Variants in SH2D6 observed in about 807,000 individuals in gnomAD.
SH2D6 encodes SH2 domain containing 6.
SH2D6 carries 31 observed loss-of-function variants against 30.2 expected under a neutral mutation model. The observed-to-expected ratio is 1.03, with a 90% confidence interval of 0.77 to 1.38. The LOEUF (loss-of-function observed/expected upper bound fraction) is 1.38. Among genes scored for constraint, SH2D6 ranks in the 40% most tolerant of loss-of-function variants. The pLI, the probability that SH2D6 is intolerant of heterozygous loss-of-function variation, is 0.00. For synonymous variants in SH2D6, 93 were observed against 104.6 expected (o/e 0.89, Z 0.68); for missense variants, 240 against 266.8 (o/e 0.90, Z 0.70).
chr2:85,431,349 G>A (rs1179896546), intron 13 of SH2D6, 81 bp downstream of exon 13: 1 of 152,258 alleles, frequency 6.6e-6, no homozygotes, highest in Non-Finnish European at 1.5e-5. Flanking sequence ...AATCTTAGAG[G>A]CATCTCATTT....
chr2:85,435,364 C>A, intron 20 of SH2D6, 49 bp from the exon 21 acceptor site: 1 of 1,592,992 alleles, frequency 6.3e-7, no homozygotes, highest in South Asian at 1.1e-5. Context: ...GCTCCGCATG[C>A]CTGATTGAGT....
chr2:85,430,855 G>A lies in SH2D6; in HGVS notation c.250+203G>A, dbSNP rs1573226467. On this transcript the variant is annotated intron_variant, in intron 12 of 23. Transcript: ENST00000469800. This position sits in a 1 kb window ranked among gnomAD's most constrained non-coding sequence, Gnocchi z 4.3. ...TGAAGGAACGGAGGGAGGGAGGGTG[G>A]GAGGGAGGAAGAAGAGTGGGAAGGG... 7.1e-6 allele frequency among the ~76,000 whole-genome samples: 1 copy of A among 141,026 alleles called. No homozygotes were observed. The highest frequency in any genetic ancestry group is 2.6e-4 in the South Asian group (1 of 3,796). 92.5% of individuals were successfully genotyped at this position (141,026 alleles called of 152,430 possible).
chr2:85,434,452 A>T (rs762269015), intron 18 of SH2D6, 21 bp from the exon 19 acceptor site: 2 of 1,550,294 alleles, frequency 1.3e-6, no homozygotes, highest in African/African-American at 1.4e-5. Context: ...GCCTCTTCTG[A>T]TCAGACCTCC....
chr2:85,434,673 G>A (rs1196696807), intron 19 of SH2D6, 176 bp downstream of exon 19: 9 of 1,304,444 alleles, frequency 6.9e-6, no homozygotes, highest in African/African-American at 3.0e-5. Context: ...GAATGCAGGT[G>A]GTCCTGCCAG....
rs1319803128 is a variant in SH2D6, at chr2:85,430,079, CT to C, written c.64+65del. On this transcript the variant is annotated intron_variant, in intron 10 of 23. Transcript: ENST00000469800. The surrounding 1 kb of genome is among the most constrained non-coding windows in gnomAD (Gnocchi z 4.3). Reference sequence around the variant, plus strand: ...GGATCCCTTGCAAGTCAGGTCCCCCCTGAGTGACTCTGCACACCTCCTGCCT... The same window carrying C: ...GGATCCCTTGCAAGTCAGGTCCCCCCGAGTGACTCTGCACACCTCCTGCCT... 1 of 152,568 alleles carries C rather than the reference CT, an allele frequency of 6.6e-6. No homozygotes were observed. The highest frequency in any genetic ancestry group is 2.4e-5 in the African/African-American group (1 of 41,446). The allele number at this position is 152,568 out of a possible 1,614,324, so 9.5% of individuals were successfully genotyped here. A position where few individuals can be genotyped will look rare whatever the true frequency, so the allele number is the denominator to read the frequency against.
chr2:85,421,753 T>C (rs1311277536), intron 2 of SH2D6: 1 of 152,270 alleles, frequency 6.6e-6, no homozygotes, highest in African/African-American at 2.4e-5. Flanking sequence ...AAGGGTCACC[T>C]AAGCTGGGGC....
At chr2:85,424,412 T>TTTTC (rs1288578493) in intron 5 of SH2D6, among the ~76,000 whole-genome samples, 3 of 152,106 alleles carry the variant, frequency 2.0e-5, no homozygotes, top group Admixed American at 6.5e-5. Flanking sequence ...CCTCCCTTCT[T>TTTTC]TTTCTTTCTT....
chr2:85,420,751 C>T (rs936302036), intron 2 of SH2D6: 1 of 152,268 alleles, frequency 6.6e-6, no homozygotes, highest in Non-Finnish European at 1.5e-5. Flanking sequence ...GTCGGTGGTC[C>T]TCCAGGCCAC....
rs1688611929 is a variant in SH2D6 at position 85,431,282 on chromosome 2, C to T, written c.309+14C>T. On this transcript the variant is annotated intron_variant, in intron 13 of 23. Transcript: ENST00000469800. ...CAGCCCACCATGGTGAGAGGCCTCTCCAGAAGTCCCTCCTTCCCCACCCGC... is the reference window on the plus strand; with the variant it reads ...CAGCCCACCATGGTGAGAGGCCTCTTCAGAAGTCCCTCCTTCCCCACCCGC... 2 of 152,676 alleles carry T rather than the reference C, an allele frequency of 1.3e-5. No individual in the cohort carries two copies. The highest frequency in any genetic ancestry group is 4.1e-4 in the South Asian group (2 of 4,832). 9.5% of individuals were successfully genotyped at this position (152,676 alleles called of 1,614,324 possible).
At chr2:85,423,597 G>GGT (rs1475534282) in intron 5 of SH2D6, among the ~76,000 whole-genome samples, 2 of 152,208 alleles carry the variant, frequency 1.3e-5, no homozygotes, top group African/African-American at 4.8e-5. Flanking sequence ...CTCTCACAAA[G>GGT]CTCTGAAACT....
At chr2:85,426,183 T>C (rs1188951157) in intron 6 of SH2D6, among the ~76,000 whole-genome samples, 2 of 152,110 alleles carry the variant, frequency 1.3e-5, no homozygotes, top group Non-Finnish European at 2.9e-5. Context: ...CACCTCCATC[T>C]TCCTCCTTGC....
At chr2:85,432,557 C>T (rs1377057996) in intron 14 of SH2D6, among the ~76,000 whole-genome samples, 5 of 151,818 alleles carry the variant, frequency 3.3e-5, no homozygotes, top group East Asian at 1.9e-4. Context: ...CCCGCTACCA[C>T]GCCCGGCTAA....
chr2:85,435,104 G>C lies in SH2D6; in HGVS notation c.629G>C (p.Gly210Ala), dbSNP rs748532571. The stretch of plus-strand genomic sequence containing the variant: ...TCTCTTCCCTCTGTAGCCCCCACTG[G>C]GAGTGCCTCAGCTGCTGAGGTGAGG... ...KSSLPSVAPT[G>A]SASAAEDSDL... The change falls in exon 20 of 24, where the codon GGG becomes GCG. Residue 210 changes from glycine to alanine, a missense_variant. Coordinates refer to ENST00000469800, the MANE Select transcript of SH2D6 (RefSeq NM_001394463.1). 2.6e-6 allele frequency: 4 copies of C among 1,510,882 alleles called. No individual in the cohort carries two copies. The highest frequency in any genetic ancestry group is 3.6e-6 in the Non-Finnish European group (4 of 1,115,814). 93.6% of individuals were successfully genotyped at this position (1,510,882 alleles called of 1,614,324 possible).
Position 85,435,451 on chromosome 2 carries a change from CTG to C in SH2D6, c.690_691del (p.Cys230Ter). ...TGACTCAGCCTTGGTACTCGGGGAA[CTG>C]TGACCGCTATGCTGTTGAGAGTGCC... ...LLTQPWYSGN[C>X]DRYAVESALL... On this transcript the variant is annotated frameshift_variant, in exon 21 of 24. Coordinates refer to ENST00000469800, the MANE Select transcript of SH2D6 (RefSeq NM_001394463.1). LOFTEE classifies it high-confidence loss of function. The C allele has an allele frequency of 6.2e-7, 1 of 1,613,938 alleles. No individual in the cohort carries two copies.
At chr2:85,423,742 C>A (rs1687842251) in intron 5 of SH2D6, among the ~76,000 whole-genome samples, 1 of 152,356 alleles carries the variant, frequency 6.6e-6, no homozygotes, top group South Asian at 2.1e-4. Flanking sequence ...AGACCTGTGA[C>A]AGCAGCAGGC....
Position 85,433,624 on chromosome 2 carries a change from G to T in SH2D6, c.447G>T (p.Pro149=). 1 of 1,015,768 alleles carries T rather than the reference G, an allele frequency of 9.8e-7. No homozygotes were observed. Among genetic ancestry groups the T allele is most frequent in the Non-Finnish European group, 1.2e-6 (1 of 848,766 alleles). The allele number at this position is 1,015,768 out of a possible 1,614,324, so 62.9% of individuals were successfully genotyped here. A position where few individuals can be genotyped will look rare whatever the true frequency, so the allele number is the denominator to read the frequency against. The change falls in exon 16 of 24, where the codon CCG becomes CCT. Residue 149 remains proline (P), a synonymous_variant. Coordinates refer to ENST00000469800, the MANE Select transcript of SH2D6 (RefSeq NM_001394463.1). ...AGGACCTCTACTTGGAATGTGAGCCGGATCCAGGTGAGCCCCTCCCTCAGC... is the reference window on the plus strand; with the variant it reads ...AGGACCTCTACTTGGAATGTGAGCCTGATCCAGGTGAGCCCCTCCCTCAGC... ...PDEDLYLECE[P]DPVLALTQTL...
In SH2D6 at chr2:85,436,594, A is replaced by C; in HGVS notation, c.*12A>C. On this transcript the variant is annotated splice_region_variant and 3_prime_UTR_variant, in exon 23 of 24. Transcript: ENST00000469800. ...CCACCAAGCCTTGAGGCCACAGCGA[A>C]GTACACACCGCCTTTGGCCCCAGTT... is the stretch of plus-strand genomic sequence containing the variant. 1 of 1,609,870 alleles carries C rather than the reference A, an allele frequency of 6.2e-7. No individual in the cohort carries two copies. The highest frequency in any genetic ancestry group is 1.3e-5 in the African/African-American group (1 of 74,962).
chr2:85,431,003 A>AC (rs200937710), intron 12 of SH2D6, among the ~76,000 whole-genome samples: 10,367 of 151,858 alleles, frequency 0.068, 432 homozygotes, highest in South Asian at 0.15. Context: ...CTGGCATCCC[A>AC]CCCCCACTGC....
At chr2:85,432,543 G>A (rs1255922664) in intron 14 of SH2D6, among the ~76,000 whole-genome samples, 2 of 151,768 alleles carry the variant, frequency 1.3e-5, no homozygotes, top group African/African-American at 4.8e-5. Flanking sequence ...TGGGACTACA[G>A]GCGCCCGCTA....
Sources: gnomAD v4.1 joint callset for allele counts (sites outside exome capture counted in the v4.1 genomes callset) on GRCh38, gnomAD v4.1.1 for gene constraint, Gnocchi (gnomAD v3.1) non-coding constraint, MANE v1.5 for transcripts, NCBI Gene and HGNC (gene_info 2026-07-23, HGNC 2026-07-21) for gene names.